FMO4: variants seen among roughly 807,000 people sequenced by gnomAD.
FMO4 encodes the protein dimethylaniline monooxygenase [N-oxide-forming] 4.
In FMO4, 38 loss-of-function variants were observed where a neutral mutation model predicts 43.3. That is an observed-to-expected ratio of 0.88 (90% CI 0.68 to 1.15). The LOEUF (loss-of-function observed/expected upper bound fraction) is 1.15. FMO4 is among the 50% of genes most tolerant of loss of function. The probability of loss-of-function intolerance (pLI) is 0.00; values close to 1 mark genes in which losing one functional copy is unlikely to be tolerated. For missense variants in FMO4, 631 were observed against 663.3 expected (o/e 0.95, Z 0.54); for synonymous variants, 224 against 232.2 (o/e 0.96, Z 0.32).
chr1:171,316,861 CTAAGGGTTCCTG>C (rs1490280725), intron 2 of FMO4, among the ~76,000 whole-genome samples: 1 of 152,164 alleles, frequency 6.6e-6, no homozygotes, highest in East Asian at 1.9e-4. Context: ...TCAGGTAAGT[CTAAGGGTTCCTG>C]GAGGACTCAG....
At chr1:171,339,056 C>T (rs1553253714) in intron 9 of FMO4, among the ~76,000 whole-genome samples, 1 of 152,158 alleles carries the variant, frequency 6.6e-6, no homozygotes, top group Non-Finnish European at 1.5e-5. Flanking sequence ...AGTAAGTTTA[C>T]TGACAGAAAT....
At chr1:171,317,424 C>T (rs1662242411) in intron 2 of FMO4, among the ~76,000 whole-genome samples, 1 of 152,034 alleles carries the variant, frequency 6.6e-6, no homozygotes, top group Non-Finnish European at 1.5e-5. Context: ...CTGAATTGGC[C>T]AAGTGGGTTG....
chr1:171,334,838 G>T, intron 8 of FMO4, 75 bp downstream of exon 8: 1 of 797,498 alleles, frequency 1.3e-6, no homozygotes, highest in Non-Finnish European at 2.0e-6. Flanking sequence ...AAATCAAACA[G>T]ATGTGAACTA....
intron 7 of FMO4, among the ~76,000 whole-genome samples, chr1:171,333,665 T>C (rs1662994616): frequency 6.6e-6 from 1 of 152,200 alleles, no homozygotes; most frequent in Non-Finnish European, 1.5e-5. Flanking sequence ...AGATATCTTT[T>C]TTTGTTTTGT....
At chr1:171,333,155 G>A (rs1335889435) in intron 7 of FMO4, 2 of 339,350 alleles carry the variant, frequency 5.9e-6, no homozygotes, top group Non-Finnish European at 1.1e-5. Flanking sequence ...TCCATTTCCT[G>A]CTGTTACAAA....
intron 4 of FMO4, among the ~76,000 whole-genome samples, chr1:171,323,434 C>T (rs1447184078): frequency 1.3e-5 from 2 of 152,128 alleles, no homozygotes; most frequent in African/African-American, 2.4e-5. Context: ...AAGGCCGAGG[C>T]AGGCAGATCA....
intron 9 of FMO4, among the ~76,000 whole-genome samples, chr1:171,340,234 A>G (rs1196976697): frequency 1.3e-5 from 2 of 152,190 alleles, no homozygotes; most frequent in African/African-American, 4.8e-5. Context: ...GGGCAAGTGG[A>G]TGGGAATTTG....
At chr1:171,319,773 C>G in intron 2 of FMO4, 45 bp from the exon 3 acceptor site, 1 of 1,593,332 alleles carries the variant, frequency 6.3e-7, no homozygotes, top group Non-Finnish European at 8.6e-7. Flanking sequence ...GGCTCCCTTC[C>G]AAACTTATTA....
chr1:171,319,838 G>T lies in FMO4; in HGVS notation c.13G>T (p.Val5Phe). The T allele has an allele frequency of 6.2e-7, 1 of 1,613,898 alleles. No individual in the cohort carries two copies. The highest frequency in any genetic ancestry group is 8.5e-7 in the Non-Finnish European group (1 of 1,179,796). ...AACAGAGCATACCATGGCCAAGAAA[G>T]TTGCAGTGATTGGAGCTGGTGTGAG... MAKK[V>F]AVIGAGVSGL... The change falls in exon 3 of 10, where the codon GTT becomes TTT. Residue 5 changes from valine to phenylalanine, a missense_variant. Coordinates refer to ENST00000367749, the MANE Select transcript of FMO4 (RefSeq NM_002022.3).
Position 171,320,006 on chromosome 1 carries a change from C to T in FMO4, c.132+49C>T, listed in dbSNP as rs767694672. On this transcript the variant is annotated intron_variant, in intron 3 of 9. Coordinates refer to ENST00000367749, the MANE Select transcript of FMO4 (RefSeq NM_002022.3). The stretch of plus-strand genomic sequence containing the variant: ...CATGATCTGGCCATTTGCTTTGTCT[C>T]TGCTCAGACATGGTGGCTTTAGCCT... 3.7e-6 allele frequency: 6 copies of T among 1,606,408 alleles called. No homozygotes were observed. The South Asian group carries it at 5.5e-5, about 15-fold the overall frequency.
At position 171,334,575 on chromosome 1, in the gene FMO4, C is replaced by T; in HGVS notation, c.992C>T (p.Thr331Ile). The T allele has an allele frequency of 6.2e-7, 1 of 1,613,686 alleles. No individual in the cohort carries two copies. The highest frequency in any genetic ancestry group is 1.1e-5 in the South Asian group (1 of 91,060). The change falls in exon 8 of 10, where the codon ACA becomes ATA. Residue 331 changes from threonine to isoleucine, a missense_variant. Transcript: ENST00000367749. ...IDVVIFTTGY[T>I]FSFPFFEEPL... ...GTTGTGATCTTCACTACAGGATATA[C>T]ATTTTCTTTTCCATTTTTTGAAGAA...
chr1:171,342,077 AT>A lies in FMO4; in HGVS notation c.*239del. 1 of 473,022 alleles carries A rather than the reference AT, an allele frequency of 2.1e-6. No individual in the cohort carries two copies. The highest frequency in any genetic ancestry group is 3.7e-5 in the Admixed American group (1 of 27,388). 29.3% of individuals were successfully genotyped at this position (473,022 alleles called of 1,614,324 possible). A position where few individuals can be genotyped will look rare whatever the true frequency, so the allele number is the denominator to read the frequency against. On this transcript the variant is annotated 3_prime_UTR_variant, in exon 10 of 10. Coordinates refer to ENST00000367749, the MANE Select transcript of FMO4 (RefSeq NM_002022.3). ...TTATTCTAAAATAAATATATATGAT[AT>A]GGTTTAGCTGTGTCCCCACCCAAAT...
intron 9 of FMO4, among the ~76,000 whole-genome samples, chr1:171,338,935 G>A (rs1004822728): frequency 4.6e-5 from 7 of 152,294 alleles, no homozygotes; most frequent in African/African-American, 1.7e-4. Flanking sequence ...TTTACTCACT[G>A]AATGAATGAA....
chr1:171,330,627 C>G (rs895512715), intron 5 of FMO4, among the ~76,000 whole-genome samples: 1 of 152,150 alleles, frequency 6.6e-6, no homozygotes, highest in Admixed American at 6.5e-5. Context: ...TCTCGTGAGA[C>G]TTATTCACTA....
At position 171,334,529 on chromosome 1, in the gene FMO4, A is replaced by T; in HGVS notation, c.946A>T (p.Thr316Ser). The T allele has an allele frequency of 6.2e-7, 1 of 1,613,672 alleles. No individual in the cohort carries two copies. Among genetic ancestry groups the T allele is most frequent in the Non-Finnish European group, 8.5e-7 (1 of 1,179,590 alleles). ...AACCTCTGCTGTCTTTGAAGATGGG[A>T]CAGTGGAAGAAAACATTGATGTTGT... ...TETSAVFEDGTVEENIDVVIF... is the reference protein window; with the variant it reads ...TETSAVFEDGSVEENIDVVIF... The change falls in exon 8 of 10, where the codon ACA becomes TCA. Residue 316 changes from threonine (T) to serine (S), a missense_variant. Thr to Ser is a moderately conservative substitution (Grantham distance 58). Coordinates refer to ENST00000367749, the MANE Select transcript of FMO4 (RefSeq NM_002022.3).
At chr1:171,332,420 T>C (rs902068340) in intron 6 of FMO4, among the ~76,000 whole-genome samples, 2 of 152,194 alleles carry the variant, frequency 1.3e-5, no homozygotes, top group Non-Finnish European at 2.9e-5. Context: ...TTTGCTTACA[T>C]GTAAAAAATT....
chr1:171,318,797 C>G (rs1355973114), intron 2 of FMO4, among the ~76,000 whole-genome samples: 1 of 152,292 alleles, frequency 6.6e-6, no homozygotes. Context: ...TCATAACAAC[C>G]CTTTAAAGTC....
chr1:171,339,600 G>A (rs1169520127), intron 9 of FMO4, among the ~76,000 whole-genome samples: 1 of 152,176 alleles, frequency 6.6e-6, no homozygotes, highest in African/African-American at 2.4e-5. Flanking sequence ...AGTCTATGAT[G>A]AACTTGCAAA....
intron 5 of FMO4, among the ~76,000 whole-genome samples, chr1:171,324,526 A>C (rs538532637): frequency 6.6e-6 from 1 of 152,266 alleles, no homozygotes; most frequent in African/African-American, 2.4e-5. Flanking sequence ...TAAGCTTTCT[A>C]ATGTGTGTCT....
Sources: gnomAD v4.1 joint callset for allele counts (sites outside exome capture counted in the v4.1 genomes callset) on GRCh38, gnomAD v4.1.1 for gene constraint, MANE v1.5 for transcripts, NCBI Gene and HGNC (gene_info 2026-07-23, HGNC 2026-07-21) for gene names.